Variants in PTPRN2 observed in about 807,000 individuals in gnomAD.
PTPRN2 encodes protein tyrosine phosphatase receptor type N2.
In PTPRN2, 74 loss-of-function variants were observed where a neutral mutation model predicts 118.8. The ratio of observed to expected loss-of-function variants is 0.62; its 90% confidence interval spans 0.52 to 0.76. The LOEUF is 0.76. Among genes scored for constraint, PTPRN2 ranks in the 30% least tolerant of loss-of-function variants. PTPRN2 has a pLI of 0.00. For missense variants in PTPRN2, 1,481 were observed against 1,394.4 expected, an observed-to-expected ratio of 1.06 and a Z score of -0.99; for synonymous variants, 641 against 608.0, an observed-to-expected ratio of 1.05 and a Z score of -0.80.
intron 9 of PTPRN2, among the ~76,000 whole-genome samples, chr7:158,125,519 C>T (rs1054928780): frequency 6.6e-6 from 1 of 152,202 alleles, no homozygotes; most frequent in African/African-American, 2.4e-5. Flanking sequence ...TTCTCGCCTT[C>T]TTCTCTTCTA....
chr7:158,171,085 TAC>T (rs1318289267), intron 5 of PTPRN2, among the ~76,000 whole-genome samples: 7 of 108,588 alleles, frequency 6.4e-5, no homozygotes, highest in Admixed American at 1.0e-4. Flanking sequence ...CACATATATA[TAC>T]ACACATATAT....
At chr7:158,424,243 G>A (rs561525370) in intron 2 of PTPRN2, among the ~76,000 whole-genome samples, 61 of 152,288 alleles carry the variant, frequency 4.0e-4, no homozygotes, top group African/African-American at 1.3e-3. Flanking sequence ...GGTGCGGCCC[G>A]TTCTTCGGGC....
intron 2 of PTPRN2, among the ~76,000 whole-genome samples, chr7:158,456,112 C>T (rs116814854): frequency 4.5e-5 from 6 of 133,258 alleles, no homozygotes; most frequent in South Asian, 2.7e-4. Flanking sequence ...GCGGAGAAGA[C>T]AACAGCCACC....
At chr7:158,550,095 G>A (rs73729701) in intron 1 of PTPRN2, among the ~76,000 whole-genome samples, 3,537 of 152,286 alleles carry the variant, frequency 0.023, 138 homozygotes, top group African/African-American at 0.08. Context: ...CCCCAGCCTC[G>A]TTCTGAAAAT....
chr7:158,583,378 GCA>G (rs1318210822), intron 1 of PTPRN2, among the ~76,000 whole-genome samples: 1 of 152,062 alleles, frequency 6.6e-6, no homozygotes, highest in African/African-American at 2.4e-5. Context: ...ATGTTTCATA[GCA>G]CACAGAGATT....
chr7:157,980,990 TG>T (rs1422314308), intron 11 of PTPRN2, among the ~76,000 whole-genome samples: 9 of 149,106 alleles, frequency 6.0e-5, no homozygotes, highest in East Asian at 2.0e-4. Flanking sequence ...TGGGGACAGG[TG>T]GGGGGTAAGT....
intron 2 of PTPRN2, among the ~76,000 whole-genome samples, chr7:158,331,541 T>C (rs1325400096): frequency 1.4e-5 from 2 of 141,678 alleles, no homozygotes; most frequent in Non-Finnish European, 3.0e-5. Flanking sequence ...ACTGTCACCA[T>C]AAGAGCTGAC....
At chr7:158,247,994 C>T (rs1796371366) in intron 3 of PTPRN2, among the ~76,000 whole-genome samples, 1 of 152,126 alleles carries the variant, frequency 6.6e-6, no homozygotes, top group African/African-American at 2.4e-5. Context: ...CCTTTATCCC[C>T]CCATTATTAG....
Position 157,875,331 on chromosome 7 carries a change from C to G in PTPRN2, c.1788+23342G>C, listed in dbSNP as rs531830256. 2.0e-5 allele frequency among the ~76,000 whole-genome samples: 3 copies of G among 152,260 alleles called. No individual in the cohort carries two copies. The South Asian group carries it at 6.2e-4, about 32-fold the overall frequency. ...AGGCGTTCCGTGAGAGCCGAGGGAGCGCGTGAGGGCTTCCTCCTATCAGCG... is the reference window on the plus strand; with the variant it reads ...AGGCGTTCCGTGAGAGCCGAGGGAGGGCGTGAGGGCTTCCTCCTATCAGCG... On this transcript the variant is annotated intron_variant, in intron 12 of 22. Transcript: ENST00000389418.
chr7:157,963,301 A>G (rs1036375279), intron 11 of PTPRN2, among the ~76,000 whole-genome samples: 1 of 152,248 alleles, frequency 6.6e-6, no homozygotes, highest in Admixed American at 6.5e-5. Context: ...AAAACTGACA[A>G]CTTTGTTGCC....
At chr7:158,004,341 C>T (rs1304390245) in intron 11 of PTPRN2, among the ~76,000 whole-genome samples, 1 of 152,162 alleles carries the variant, frequency 6.6e-6, no homozygotes, top group Non-Finnish European at 1.5e-5. Context: ...TAACCCCTCC[C>T]AGATGCTTCC....
intron 10 of PTPRN2, among the ~76,000 whole-genome samples, chr7:158,094,389 A>G (rs1177214059): frequency 1.3e-5 from 2 of 152,046 alleles, no homozygotes; most frequent in Non-Finnish European, 2.9e-5. Context: ...GGCTCACTGC[A>G]ACCTCTGACT....
rs552354355 is a variant in PTPRN2, at chr7:158,461,357, G to T, written c.163+28378C>A. On this transcript the variant is annotated intron_variant, in intron 2 of 22. Transcript: ENST00000389418. ...AAAAATACAAAAAAATTAACCGGGC[G>T]TGGTGGCAGGCGCCTGTAGTCCCAG... is the stretch of plus-strand genomic sequence containing the variant. 8.7e-3 allele frequency among the ~76,000 whole-genome samples: 1,330 copies of T among 152,190 alleles called. 25 individuals carry two copies. The highest frequency in any genetic ancestry group is 0.03 in the African/African-American group (1,238 of 41,530).
chr7:158,103,202 G>A (rs780794508), intron 10 of PTPRN2, among the ~76,000 whole-genome samples: 1 of 152,166 alleles, frequency 6.6e-6, no homozygotes, highest in Non-Finnish European at 1.5e-5. Flanking sequence ...CTGGGCCCAC[G>A]ATGAGTTCCT....
chr7:157,754,960 C>T (rs999627577), intron 12 of PTPRN2, among the ~76,000 whole-genome samples: 4 of 152,176 alleles, frequency 2.6e-5, no homozygotes, highest in Non-Finnish European at 4.4e-5. Flanking sequence ...TCTGGGATCA[C>T]TGAAGCCTCA....
At chr7:157,781,773 TCAGCCTCAATACCCTGCCC>T (rs1430794228) in intron 12 of PTPRN2, among the ~76,000 whole-genome samples, 5 of 152,176 alleles carry the variant, frequency 3.3e-5, no homozygotes, top group Non-Finnish European at 7.3e-5. Context: ...GTATATTACT[TCAGCCTCAATACCCTGCCC>T]CAGCCTCCCA....
Position 157,784,385 on chromosome 7 carries a change from T to C in PTPRN2, c.1789-101448A>G, listed in dbSNP as rs184826761. Among the ~76,000 whole-genome samples, 319 of 152,244 alleles carry C rather than the reference T, an allele frequency of 2.1e-3. 5 individuals are homozygous for C. The highest frequency in any genetic ancestry group is 7.2e-3 in the African/African-American group (299 of 41,568). ...CCGGGGCTCGTTTGCTGCTTCACAC[T>C]GGAGGAGGTGCTCCTAGCAAGATGC... On this transcript the variant is annotated intron_variant, in intron 12 of 22. Coordinates refer to ENST00000389418, the MANE Select transcript of PTPRN2 (RefSeq NM_002847.5). This position sits in a 1 kb window ranked among gnomAD's most constrained non-coding sequence, Gnocchi z 4.6.
intron 11 of PTPRN2, among the ~76,000 whole-genome samples, chr7:158,046,643 T>C (rs1808901989): frequency 6.6e-6 from 1 of 152,206 alleles, no homozygotes; most frequent in South Asian, 2.1e-4. Flanking sequence ...CTAAAGGATG[T>C]CGAGACTTTA....
chr7:157,582,672 G>T (rs1800459020), intron 17 of PTPRN2, among the ~76,000 whole-genome samples: 1 of 151,964 alleles, frequency 6.6e-6, no homozygotes, highest in Non-Finnish European at 1.5e-5. Context: ...TCAGGAGTTC[G>T]AGACCAGCCT....
Sources: allele counts gnomAD v4.1 joint callset (sites outside exome capture counted in the v4.1 genomes callset), GRCh38; gene constraint gnomAD v4.1.1; non-coding constraint Gnocchi (gnomAD v3.1); transcripts MANE v1.5; gene names NCBI Gene and HGNC (gene_info 2026-07-23, HGNC 2026-07-21).